Variants in FOXP2 observed in about 807,000 individuals in gnomAD.
FOXP2 encodes forkhead box P2.
FOXP2 carries 12 observed loss-of-function variants against 115.8 expected under a neutral mutation model. That is an observed-to-expected ratio of 0.10 (90% CI 0.07 to 0.17). The LOEUF (loss-of-function observed/expected upper bound fraction) is 0.17. Among genes scored for constraint, FOXP2 ranks in the 10% least tolerant of loss-of-function variants. The pLI is 1.00. For missense variants in FOXP2, 629 were observed against 843.5 expected, an observed-to-expected ratio of 0.75 and a Z score of 3.15; for synonymous variants, 328 against 297.7, an observed-to-expected ratio of 1.10 and a Z score of -1.05.
At chr7:114,308,524 C>T (rs1296221819) in intron 2 of FOXP2, among the ~76,000 whole-genome samples, 5 of 152,120 alleles carry the variant, frequency 3.3e-5, no homozygotes, top group South Asian at 4.1e-4. Context: ...AGGCGATAAA[C>T]CCTTTTAAGG....
At chr7:114,206,451 G>C (rs530881493) in intron 1 of FOXP2, among the ~76,000 whole-genome samples, 1 of 152,058 alleles carries the variant, frequency 6.6e-6, no homozygotes, top group Admixed American at 6.6e-5. Flanking sequence ...AGCCAGGCAA[G>C]CACACCTCCT....
chr7:114,110,409 T>C (rs1395256823), intron 1 of FOXP2, among the ~76,000 whole-genome samples: 1 of 152,194 alleles, frequency 6.6e-6, no homozygotes, highest in Non-Finnish European at 1.5e-5. Flanking sequence ...ATTCAACTCA[T>C]CTTTAAATTA....
intron 1 of FOXP2, among the ~76,000 whole-genome samples, chr7:114,199,833 G>T (rs946831050): frequency 2.6e-5 from 4 of 152,254 alleles, no homozygotes; most frequent in East Asian, 1.9e-4. Context: ...TACCACAGGA[G>T]ATTGCAGGAA....
chr7:114,270,629 T>C (rs761546887), intron 1 of FOXP2, among the ~76,000 whole-genome samples: 13 of 152,200 alleles, frequency 8.5e-5, no homozygotes, highest in Admixed American at 3.3e-4. Context: ...GAAGTGTCTG[T>C]TAAGATCTTT....
At chr7:114,661,965 T>G in intron 13 of FOXP2, 100 bp from the exon 14 acceptor site, 4 of 1,449,288 alleles carry the variant, frequency 2.8e-6, no homozygotes, top group Non-Finnish European at 3.8e-6. Context: ...ATGTTAAGAT[T>G]TTTCACTCTG....
At chr7:114,590,870 A>T (rs1172590176) in intron 3 of FOXP2, among the ~76,000 whole-genome samples, 1 of 151,974 alleles carries the variant, frequency 6.6e-6, no homozygotes, top group Non-Finnish European at 1.5e-5. Context: ...AGGTACAATT[A>T]ATTTGTTTTT....
At chr7:114,248,317 C>A (rs1795344518) in intron 1 of FOXP2, among the ~76,000 whole-genome samples, 1 of 152,210 alleles carries the variant, frequency 6.6e-6, no homozygotes, top group African/African-American at 2.4e-5. Flanking sequence ...CTGGTTTACC[C>A]AGTCTCTCAA....
At chr7:114,385,579 G>T (rs764328768) in intron 2 of FOXP2, among the ~76,000 whole-genome samples, 2 of 152,132 alleles carry the variant, frequency 1.3e-5, no homozygotes, top group Non-Finnish European at 2.9e-5. Flanking sequence ...CAGTAGAAGG[G>T]TTGGGGGTTG....
intron 13 of FOXP2, 54 bp from the exon 14 acceptor site, chr7:114,662,011 C>A (rs536566425): frequency 1.9e-6 from 3 of 1,604,508 alleles, no homozygotes; most frequent in East Asian, 4.5e-5. Context: ...TGTTGGGCTG[C>A]CTTATTAGAC....
At chr7:114,470,253 C>T (rs1321091824) in intron 2 of FOXP2, among the ~76,000 whole-genome samples, 1 of 152,124 alleles carries the variant, frequency 6.6e-6, no homozygotes, top group Non-Finnish European at 1.5e-5. Context: ...ACCACAGGAT[C>T]TTTGTTCAAA....
chr7:114,614,399 A>G (rs1341247512), intron 3 of FOXP2, among the ~76,000 whole-genome samples: 1 of 152,188 alleles, frequency 6.6e-6, no homozygotes, highest in African/African-American at 2.4e-5. Context: ...ATATTGACCT[A>G]TAGGAGTGTT....
chr7:114,101,899 T>TTGTG (rs5886693), intron 1 of FOXP2, among the ~76,000 whole-genome samples: 52,165 of 142,170 alleles, frequency 0.37, 10,871 homozygotes, highest in Admixed American at 0.48. Flanking sequence ...CTTCAACATT[T>TTGTG]TGTGTGTGTG....
At chr7:114,622,545 C>G (rs1441894365) in intron 3 of FOXP2, among the ~76,000 whole-genome samples, 2 of 151,808 alleles carry the variant, frequency 1.3e-5, no homozygotes, top group Non-Finnish European at 2.9e-5. Context: ...GGGCTAGTGT[C>G]TTTTGCTGCC....
intron 1 of FOXP2, among the ~76,000 whole-genome samples, chr7:114,227,469 A>T (rs1794771082): frequency 1.3e-5 from 2 of 152,030 alleles, no homozygotes; most frequent in African/African-American, 4.8e-5. Context: ...TTTCTTTAAT[A>T]AACACTTAAA....
At chr7:114,263,422 C>CCCTTT (rs545404007) in intron 1 of FOXP2, among the ~76,000 whole-genome samples, 2,019 of 147,032 alleles carry the variant, frequency 0.014, 22 homozygotes, top group African/African-American at 0.028. Flanking sequence ...TTTTCCCTTT[C>CCCTTT]CCTTTCCTTT....
chr7:114,653,603 T>C, intron 9 of FOXP2: 1 of 369,914 alleles, frequency 2.7e-6, no homozygotes, highest in Non-Finnish European at 5.2e-6. Flanking sequence ...TCCACAGGAC[T>C]TTAAAGAGAC....
intron 2 of FOXP2, among the ~76,000 whole-genome samples, chr7:114,386,428 A>G (rs542209869): frequency 6.6e-6 from 1 of 152,364 alleles, no homozygotes. Context: ...TTTGTTTACC[A>G]AAGGCAGAAC....
chr7:114,461,969 A>T (rs1416887319), intron 2 of FOXP2, among the ~76,000 whole-genome samples: 1 of 152,150 alleles, frequency 6.6e-6, no homozygotes, highest in Non-Finnish European at 1.5e-5. Flanking sequence ...CTATTTGTGC[A>T]TGTCAGAATT....
Position 114,177,090 on chromosome 7 carries a change from C to T in FOXP2, c.-102+14002C>T, listed in dbSNP as rs529788876. The stretch of plus-strand genomic sequence containing the variant: ...ATGCCACCATTTACTTACATTCATT[C>T]TATTTGGGGGCATTTTGGTTGTTTG... On this transcript the variant is annotated intron_variant, in intron 1 of 17. Transcript: ENST00000634411. Among the ~76,000 whole-genome samples the T allele has an allele frequency of 3.3e-4, 50 of 152,140 alleles. 3 individuals are homozygous for T. The South Asian group carries it at 0.01, about 32-fold the overall frequency.
Sources: allele counts gnomAD v4.1 joint callset (sites outside exome capture counted in the v4.1 genomes callset), GRCh38; gene constraint gnomAD v4.1.1; transcripts MANE v1.5; gene names NCBI Gene and HGNC (gene_info 2026-07-23, HGNC 2026-07-21).